The following NISCH variants were observed in gnomAD, a reference collection of about 807,000 sequenced individuals.
NISCH encodes I-1 receptor candidate protein.
A neutral mutation model predicts 138.4 loss-of-function variants in NISCH; 55 were observed. That is an observed-to-expected ratio of 0.40 (90% CI 0.32 to 0.50). NISCH has a LOEUF of 0.50. NISCH is among the 20% of genes least tolerant of loss of function. The pLI is 0.71. For missense variants in NISCH, 1,643 were observed against 2,005.5 expected (o/e 0.82, Z 3.45); for synonymous variants, 860 against 861.5 (o/e 1.00, Z 0.03).
rs574046395 is a variant in NISCH, at chr3:52,490,831, C to T, written c.3740C>T (p.Thr1247Met). ...VGLFDQHFRL[T>M]GSTPMQVVTC... ...CTTTTCGACCAGCATTTCCGGCTGA[C>T]GGGTGGGTGACCCTCTGTGCTTTGT... The change falls in exon 19 of 21, where the codon ACG (threonine) becomes ATG (methionine). Residue 1247 changes from threonine to methionine, a missense_variant and splice_region_variant. Thr to Met is a moderately conservative substitution (Grantham distance 81, BLOSUM62 -1). Transcript: ENST00000345716. 28 of 1,614,082 alleles carry T rather than the reference C, an allele frequency of 1.7e-5. No homozygotes were observed. The highest frequency in any genetic ancestry group is 1.7e-4 in the Middle Eastern group (1 of 6,058).
At chr3:52,465,962 ATTG>A (rs1166029367) in intron 3 of NISCH, among the ~76,000 whole-genome samples, 2 of 152,184 alleles carry the variant, frequency 1.3e-5, no homozygotes, top group African/African-American at 2.4e-5. Context: ...AGGTGTTTAT[ATTG>A]TTGTCTTCTT....
At chr3:52,475,207 A>G (rs1186778237) in intron 7 of NISCH, among the ~76,000 whole-genome samples, 1 of 151,792 alleles carries the variant, frequency 6.6e-6, no homozygotes, top group East Asian at 1.9e-4. Context: ...AAAAAAAAAA[A>G]AAATTGGATT....
rs1175225960 is a variant in NISCH at position 52,487,765 on chromosome 3, G to A, written c.2273G>A (p.Arg758His). ...GSSQHILSSL[R>H]FVFCFPHGDL... Reference sequence around the variant, plus strand: ...AGCCAGCACATCCTCTCCTCCCTGCGCTTTGTCTTTTGCTTCCCGCATGGC... The same window carrying A: ...AGCCAGCACATCCTCTCCTCCCTGCACTTTGTCTTTTGCTTCCCGCATGGC... The change falls in exon 16 of 21, where the codon CGC (arginine) becomes CAC (histidine). Residue 758 changes from arginine (R) to histidine (H), a missense_variant. Arg to His is a conservative substitution (Grantham distance 29). Coordinates refer to ENST00000345716, the MANE Select transcript of NISCH (RefSeq NM_007184.4). This position sits in a 1 kb window ranked among gnomAD's most constrained non-coding sequence, Gnocchi z 9.1. The A allele has an allele frequency of 5.0e-6, 8 of 1,613,608 alleles. No homozygotes were observed. Among genetic ancestry groups the A allele is most frequent in the African/African-American group, 4.0e-5 (3 of 74,850 alleles).
chr3:52,466,278 G>A (rs1018342314), intron 3 of NISCH, among the ~76,000 whole-genome samples: 1 of 151,986 alleles, frequency 6.6e-6, no homozygotes. Context: ...AAAGTGAGAC[G>A]AGGAGGGCCG....
intron 20 of NISCH, 136 bp from the exon 21 acceptor site, chr3:52,491,736 C>A: frequency 8.0e-7 from 1 of 1,244,570 alleles, no homozygotes; most frequent in Non-Finnish European, 1.1e-6. Flanking sequence ...GGCTCCTGGC[C>A]TGTGGGCCCC....
chr3:52,460,055 C>G (rs1307799343), intron 3 of NISCH, among the ~76,000 whole-genome samples: 2 of 151,394 alleles, frequency 1.3e-5, no homozygotes, highest in African/African-American at 4.9e-5. Flanking sequence ...GTGGCAGATG[C>G]CTGTAATCCC....
rs1707503329 is a variant in NISCH, at chr3:52,489,490, A to G, written c.3268A>G (p.Thr1090Ala). The G allele has an allele frequency of 3.7e-6, 6 of 1,608,548 alleles. No homozygotes were observed. The highest frequency in any genetic ancestry group is 5.1e-6 in the Non-Finnish European group (6 of 1,175,784). ...ASTSALVPEE[T>A]PVEAPAPPPA... is the part of the protein sequence containing the mutation. ...AACTTCAGCTTTGGTCCCAGAGGAGACGCCAGTGGAAGCTCCAGCCCCACC... is the reference window on the plus strand; with the variant it reads ...AACTTCAGCTTTGGTCCCAGAGGAGGCGCCAGTGGAAGCTCCAGCCCCACC... Residue 1090 changes from threonine (T) to alanine (A), a missense_variant, in exon 17 of 21, where the codon ACG becomes GCG. Coordinates refer to ENST00000345716, the MANE Select transcript of NISCH (RefSeq NM_007184.4).
At chr3:52,480,941 C>T (rs752136216) in intron 13 of NISCH, 44 of 1,527,742 alleles carry the variant, frequency 2.9e-5, no homozygotes, top group South Asian at 2.8e-4. Context: ...CCGGCCCCCA[C>T]GGAAGAGGGG....
intron 5 of NISCH, 140 bp from the exon 6 acceptor site, chr3:52,472,163 C>A: frequency 1.0e-6 from 1 of 981,972 alleles, no homozygotes; most frequent in East Asian, 2.5e-5. Flanking sequence ...ACCCAGTGTC[C>A]CGTTAAATTA....
Position 52,492,522 on chromosome 3 carries a change from T to C in NISCH, c.*40T>C. ...AGCCTGTCGTGTCCAGCCTGACGCC[T>C]ACTGGGGCAGGGCAGCAGGCTTTTG... On this transcript the variant is annotated 3_prime_UTR_variant, in exon 21 of 21. Coordinates refer to ENST00000345716, the MANE Select transcript of NISCH (RefSeq NM_007184.4). 6.5e-7 allele frequency: 1 copy of C among 1,537,566 alleles called. No individual in the cohort carries two copies. The highest frequency in any genetic ancestry group is 2.3e-5 in the East Asian group (1 of 44,114).
At position 52,488,193 on chromosome 3, in the gene NISCH, G is replaced by C. The variant is rs1221305966; in HGVS notation, c.2701G>C (p.Val901Leu). 6.2e-7 allele frequency: 1 copy of C among 1,612,958 alleles called. No individual in the cohort carries two copies. Among genetic ancestry groups the C allele is most frequent in the African/African-American group, 1.3e-5 (1 of 74,912 alleles). The change falls in exon 16 of 21, where the codon GTC (valine) becomes CTC (leucine). Residue 901 changes from valine to leucine, a missense_variant. Transcript: ENST00000345716. ...CTCCTGCTGCGCGCCCTCTGAGGCC[G>C]TCAAGTCCGCCGCCATCCCCTACTG... ...RRSCCAPSEA[V>L]KSAAIPYWLL...
At chr3:52,484,462 T>TTGGCGCCCC in intron 13 of NISCH, 51 bp from the exon 14 acceptor site, 8 of 788,670 alleles carry the variant, frequency 1.0e-5, no homozygotes, top group Non-Finnish European at 1.3e-5. Flanking sequence ...ACAGCCGCTC[T>TTGGCGCCCC]CCCCGCCCCA....
intron 13 of NISCH, chr3:52,480,803 G>A: frequency 2.0e-6 from 3 of 1,498,926 alleles, no homozygotes; most frequent in Non-Finnish European, 2.7e-6. Flanking sequence ...CTGTCCCTGT[G>A]GACCCATGGA....
intron 3 of NISCH, among the ~76,000 whole-genome samples, chr3:52,468,123 G>A (rs1193953009): frequency 6.6e-6 from 1 of 152,200 alleles, no homozygotes; most frequent in Non-Finnish European, 1.5e-5. Flanking sequence ...GCCGGGTGTG[G>A]TGGTGCAGGC....
rs748061844 is a variant in NISCH at position 52,478,531 on chromosome 3, A to G, written c.1256A>G (p.Asp419Gly). Residue 419 changes from aspartate (D) to glycine (G), a missense_variant, in exon 11 of 21, where the codon GAC becomes GGC. Transcript: ENST00000345716. ...AACAACCCTCTGAGCATCATCCCCG[A>G]CTACCGGACCAAGGTGCTGGCTCAG... ...LLNNPLSIIP[D>G]YRTKVLAQFG... is the part of the protein sequence containing the mutation. The G allele has an allele frequency of 1.9e-6, 3 of 1,614,156 alleles. No homozygotes were observed. Among genetic ancestry groups the G allele is most frequent in the African/African-American group, 2.7e-5 (2 of 75,028 alleles).
intron 13 of NISCH, 46 bp downstream of exon 13, chr3:52,480,341 C>CCTGGGCCCCCTGG (rs1353247820): frequency 6.2e-7 from 1 of 1,608,306 alleles, no homozygotes; most frequent in Admixed American, 1.7e-5. Context: ...CACAGCCCTG[C>CCTGGGCCCCCTGG]CTGGGCCCCC....
At chr3:52,472,101 C>T (rs567778349) in intron 5 of NISCH, 124 bp downstream of exon 5, 14 of 1,138,210 alleles carry the variant, frequency 1.2e-5, no homozygotes, top group African/African-American at 9.3e-5. Flanking sequence ...GAAGGCCGCC[C>T]GGTTATTCTT....
intron 13 of NISCH, 154 bp downstream of exon 13, chr3:52,480,449 G>A (rs757207078): frequency 2.8e-5 from 43 of 1,539,550 alleles, no homozygotes; most frequent in Non-Finnish European, 3.8e-5. Context: ...CCTCGCGGGG[G>A]GACACATGGC....
At chr3:52,471,177 G>T in intron 4 of NISCH, 1 of 522,810 alleles carries the variant, frequency 1.9e-6, no homozygotes. Flanking sequence ...TACCTGAAAG[G>T]GCTCAGATGG....
Sources: allele counts gnomAD v4.1 joint callset (sites outside exome capture counted in the v4.1 genomes callset), GRCh38; gene constraint gnomAD v4.1.1; non-coding constraint Gnocchi (gnomAD v3.1); transcripts MANE v1.5; gene names NCBI Gene and HGNC (gene_info 2026-07-23, HGNC 2026-07-21).